SLMAP: variants seen among roughly 807,000 people sequenced by gnomAD.
The protein encoded by SLMAP is sarcolemma associated protein.
SLMAP carries 44 observed loss-of-function variants against 128.8 expected under a neutral mutation model. The ratio of observed to expected loss-of-function variants is 0.34; its 90% CI spans 0.27 to 0.44. SLMAP has a LOEUF of 0.44. Ranked by LOEUF, SLMAP falls within the 20% of genes least tolerant of loss-of-function variation. The pLI is 1.00. For synonymous variants in SLMAP, 327 were observed against 348.8 expected, an observed-to-expected ratio of 0.94 and a Z score of 0.70; for missense variants, 787 against 985.3, an observed-to-expected ratio of 0.80 and a Z score of 2.69.
At chr3:57,879,812 G>A (rs372572186) in intron 14 of SLMAP, among the ~76,000 whole-genome samples, 4 of 151,700 alleles carry the variant, frequency 2.6e-5, no homozygotes, top group South Asian at 2.1e-4. Context: ...CATGTGTGGC[G>A]GGTGGCGGGC....
At chr3:57,837,242 A>G (rs1483366588) in intron 3 of SLMAP, among the ~76,000 whole-genome samples, 1 of 152,136 alleles carries the variant, frequency 6.6e-6, no homozygotes, top group East Asian at 1.9e-4. Context: ...TGCCCTCACT[A>G]AACTGTAAGC....
intron 2 of SLMAP, among the ~76,000 whole-genome samples, chr3:57,814,678 A>G (rs761106143): frequency 1.1e-4 from 16 of 152,146 alleles, no homozygotes; most frequent in Non-Finnish European, 2.2e-4. Context: ...TCCTCTTGAT[A>G]TAACTTCACT....
chr3:57,845,218 G>A (rs1171343577), intron 4 of SLMAP, among the ~76,000 whole-genome samples: 1 of 152,116 alleles, frequency 6.6e-6, no homozygotes, highest in African/African-American at 2.4e-5. Flanking sequence ...AACTTTGTTA[G>A]GGCCTGCTGA....
Position 57,912,694 on chromosome 3 carries a change from G to A in SLMAP, c.2013G>A (p.Arg671=). 1.9e-6 allele frequency: 3 copies of A among 1,606,016 alleles called. No individual in the cohort carries two copies. The highest frequency in any genetic ancestry group is 2.6e-6 in the Non-Finnish European group (3 of 1,173,928). The change falls in exon 20 of 25, where the codon AGG becomes AGA. Residue 671 remains arginine (R), a synonymous_variant. Coordinates refer to ENST00000671191, the MANE Select transcript of SLMAP (RefSeq NM_001377540.1). ...CEDQQREEAT[R]LQGELEKLRK... ...ACCAGCAGAGAGAAGAAGCAACAAG[G>A]TTGCAAGGTGAATAAATGTATTTTA... is the stretch of plus-strand genomic sequence containing the variant.
At chr3:57,862,859 G>A (rs2095151053) in intron 10 of SLMAP, among the ~76,000 whole-genome samples, 1 of 152,128 alleles carries the variant, frequency 6.6e-6, no homozygotes, top group Non-Finnish European at 1.5e-5. Context: ...GAAATTTATA[G>A]TGAAAATAAG....
intron 21 of SLMAP, among the ~76,000 whole-genome samples, chr3:57,914,645 C>T (rs371924878): frequency 6.6e-5 from 10 of 151,588 alleles, no homozygotes; most frequent in Non-Finnish European, 1.3e-4. Context: ...ATCAGTGGCG[C>T]GATCTCAGCT....
At chr3:57,907,568 A>G (rs1333373954) in intron 17 of SLMAP, among the ~76,000 whole-genome samples, 2 of 152,228 alleles carry the variant, frequency 1.3e-5, no homozygotes, top group African/African-American at 4.8e-5. Flanking sequence ...TGCTCATCTC[A>G]CTGAATTTCA....
chr3:57,764,513 G>A (rs55645723), intron 2 of SLMAP, among the ~76,000 whole-genome samples: 92,701 of 147,080 alleles, frequency 0.63, 29,760 homozygotes, highest in East Asian at 0.98. Context: ...AAAAAAAAAA[G>A]AAAAGAAAAG....
chr3:57,783,329 A>G (rs1416699267), intron 2 of SLMAP, among the ~76,000 whole-genome samples: 1 of 152,216 alleles, frequency 6.6e-6, no homozygotes, highest in Middle Eastern at 3.2e-3. Flanking sequence ...GAGCTCTCAG[A>G]TGGAAGAGAG....
intron 3 of SLMAP, among the ~76,000 whole-genome samples, chr3:57,840,006 T>G (rs888306968): frequency 4.0e-5 from 6 of 150,930 alleles, no homozygotes. Context: ...ATATTTTTAG[T>G]AGAGGGGTTT....
Position 57,757,832 on chromosome 3 carries a change from G to A in SLMAP, c.181G>A (p.Asp61Asn). Residue 61 changes from aspartate to asparagine, a missense_variant, in exon 2 of 25, where the codon GAT becomes AAT. By Grantham distance (23) the Asp-to-Asn change is conservative. This residue lies in a region of SLMAP where 72 missense variants were observed against 141.8 expected (regional missense o/e 0.51). Coordinates refer to ENST00000671191, the MANE Select transcript of SLMAP (RefSeq NM_001377540.1). ...LSRNHALVWF[D>N]HKTGKFYLQD... The stretch of plus-strand genomic sequence containing the variant: ...AAGGAACCACGCTCTCGTCTGGTTT[G>A]ATCACAAGACGGGCAAGGTAATGTC... The A allele has an allele frequency of 6.2e-7, 1 of 1,614,110 alleles. No homozygotes were observed. Among genetic ancestry groups the A allele is most frequent in the Non-Finnish European group, 8.5e-7 (1 of 1,179,976 alleles).
intron 10 of SLMAP, among the ~76,000 whole-genome samples, chr3:57,863,395 G>A (rs767594402): frequency 2.2e-4 from 34 of 152,290 alleles, no homozygotes; most frequent in Non-Finnish European, 3.4e-4. Context: ...GCATACCTCC[G>A]TTGGTTAACC....
intron 14 of SLMAP, among the ~76,000 whole-genome samples, chr3:57,878,581 T>C (rs2095657169): frequency 6.6e-6 from 1 of 152,214 alleles, no homozygotes; most frequent in Non-Finnish European, 1.5e-5. Flanking sequence ...TCTTTAAACC[T>C]TGATTTCCTC....
At position 57,795,346 on chromosome 3, in the gene SLMAP, T is replaced by C. The variant is rs568315670; in HGVS notation, c.199-36037T>C. Among the ~76,000 whole-genome samples the C allele has an allele frequency of 3.9e-5, 6 of 152,288 alleles. No homozygotes were observed. The East Asian group carries it at 1.2e-3, about 29-fold the overall frequency. Reference sequence around the variant, plus strand: ...CGAGTTCAGGAGTTTGAGACCAGCCTGGCCAGCGTCGTGAAACCCCGTCTC... The same window carrying C: ...CGAGTTCAGGAGTTTGAGACCAGCCCGGCCAGCGTCGTGAAACCCCGTCTC... On this transcript the variant is annotated intron_variant, in intron 2 of 24. Transcript: ENST00000671191.
intron 14 of SLMAP, among the ~76,000 whole-genome samples, chr3:57,878,427 A>G (rs557011190): frequency 6.6e-6 from 1 of 152,060 alleles, no homozygotes; most frequent in Non-Finnish European, 1.5e-5. Context: ...TTTCTTCATC[A>G]TATTTTCTCT....
At chr3:57,926,949 A>G (rs2097020920) in intron 24 of SLMAP, among the ~76,000 whole-genome samples, 2 of 152,236 alleles carry the variant, frequency 1.3e-5, no homozygotes, top group Admixed American at 1.3e-4. Context: ...GTGTCTATAT[A>G]CATCAGTTAT....
intron 2 of SLMAP, 114 bp from the exon 3 acceptor site, chr3:57,831,269 G>C: frequency 1.6e-6 from 1 of 633,174 alleles, no homozygotes; most frequent in Non-Finnish European, 2.4e-6. Flanking sequence ...TGAATTAATA[G>C]GGGAAAAATT....
intron 2 of SLMAP, among the ~76,000 whole-genome samples, chr3:57,759,457 A>G (rs1489433124): frequency 2.6e-5 from 4 of 152,118 alleles, no homozygotes; most frequent in Non-Finnish European, 5.9e-5. Flanking sequence ...TTGTATTTTT[A>G]GTAGAGACAG....
chr3:57,863,309 G>T (rs1187780436), intron 10 of SLMAP, among the ~76,000 whole-genome samples: 1 of 152,150 alleles, frequency 6.6e-6, no homozygotes, highest in Non-Finnish European at 1.5e-5. Flanking sequence ...ATAACTGTTT[G>T]TGAAGGTCCA....
Sources: allele counts gnomAD v4.1 joint callset (sites outside exome capture counted in the v4.1 genomes callset), GRCh38; gene constraint gnomAD v4.1.1; regional missense constraint gnomAD v4.1.1; transcripts MANE v1.5; gene names NCBI Gene and HGNC (gene_info 2026-07-23, HGNC 2026-07-21).